FLG2: variants seen among roughly 807,000 people sequenced by gnomAD.
FLG2 encodes the protein filaggrin 2, also known as filaggrin-2.
A neutral mutation model predicts 3.9 loss-of-function variants in FLG2; 7 were observed. The observed-to-expected ratio is 1.79, with a 90% CI of 1.02 to 3.36. The LOEUF (loss-of-function observed/expected upper bound fraction) is 3.36, where lower values mean the gene tolerates loss of function less well. Ranked by LOEUF, FLG2 falls within the 30% of genes most tolerant of loss-of-function variation. FLG2 has a pLI of 0.00. For synonymous variants in FLG2, 1,031 were observed against 1,056.1 expected (o/e 0.98, Z 0.46); for missense variants, 2,700 against 2,809.4 (o/e 0.96, Z 0.88).
In FLG2 at chr1:152,353,216, G is replaced by A. The variant is rs148445702; in HGVS notation, c.4570C>T (p.Gln1524Ter). 6 of 1,607,110 alleles carry A rather than the reference G, an allele frequency of 3.7e-6. No homozygotes were observed. In the Admixed American group the frequency reaches 8.5e-5, roughly 23 times the overall value. Residue 1524 changes from glutamine (Q) to a stop codon, truncating the protein, a stop_gained, in exon 3 of 3, where the codon CAA (glutamine) becomes TAA (stop). Transcript: ENST00000388718. LOFTEE classifies it low-confidence loss of function (END_TRUNC). ...SHTHSGHTHGQSGSQHGESES... is the reference protein window; with the variant it reads ...SHTHSGHTHG ...GACTCTCCATGTTGAGATCCACTTT[G>A]GCCGTGAGTGTGTCCTGAATGTGTG...
chr1:152,355,224 T>C lies in FLG2; in HGVS notation c.2562A>G (p.Gln854=), dbSNP rs34161117. 94 of 1,596,688 alleles carry C rather than the reference T, an allele frequency of 5.9e-5. No homozygotes were observed. The highest frequency in any genetic ancestry group is 3.1e-4 in the African/African-American group (22 of 70,136). The change falls in exon 3 of 3, where the codon CAA becomes CAG. Residue 854 remains glutamine, a synonymous_variant. Transcript: ENST00000388718. ...ACCCATGTTGACCATAGCCAGATGA[T>C]TGACTTGAGCCAGAACCATGTTGGC... is the stretch of plus-strand genomic sequence containing the variant. ...SYGQHGSGSS[Q]SSGYGQHGSS...
Position 152,352,671 on chromosome 1 carries a change from A to G in FLG2, c.5115T>C (p.His1705=). 1 of 1,613,570 alleles carries G rather than the reference A, an allele frequency of 6.2e-7. No individual in the cohort carries two copies. The highest frequency in any genetic ancestry group is 8.5e-7 in the Non-Finnish European group (1 of 1,179,876). ...TGGTTAATCCATGATGATAGTGGGC[A>G]TGTCTAGTGGTATCTCCTGTCTGTC... The part of the protein sequence containing the change: ...THGQTGDTTR[H]AHYHHGLTTQ... The change falls in exon 3 of 3, where the codon CAT becomes CAC. Residue 1705 remains histidine (H), a synonymous_variant. Coordinates refer to ENST00000388718, the MANE Select transcript of FLG2 (RefSeq NM_001014342.3).
chr1:152,355,509 T>A lies in FLG2; in HGVS notation c.2277A>T (p.Gly759=), dbSNP rs774831540. 3.6e-5 allele frequency: 58 copies of A among 1,612,858 alleles called. No homozygotes were observed. Among genetic ancestry groups the A allele is most frequent in the Non-Finnish European group, 4.4e-5 (52 of 1,179,856 alleles). ...ACTGACCTGATCTAGACTCATGTTG[T>A]CCAAAGCCAGAGGATTGTCCTGAGC... ...GSGSGQSSGF[G]QHESRSGQSS... is the part of the protein sequence containing the mutation. The change falls in exon 3 of 3, where the codon GGA becomes GGT. Residue 759 remains glycine (G), a synonymous_variant. Coordinates refer to ENST00000388718, the MANE Select transcript of FLG2 (RefSeq NM_001014342.3).
chr1:152,357,513 T>G lies in FLG2; in HGVS notation c.273A>C (p.Lys91Asn). Residue 91 changes from lysine (K) to asparagine (N), a missense_variant, in exon 3 of 3, where the codon AAA becomes AAC. Coordinates refer to ENST00000388718, the MANE Select transcript of FLG2 (RefSeq NM_001014342.3). ...TTGACCCTGAAGCTTTGCAGTATTC[T>G]TTGCTGAGGACCTTGTTGCAGGCCA... ...LTMACNKVLS[K>N]EYCKASGSKK... The G allele has an allele frequency of 6.2e-7, 1 of 1,614,156 alleles. No homozygotes were observed. Among genetic ancestry groups the G allele is most frequent in the Non-Finnish European group, 8.5e-7 (1 of 1,180,026 alleles).
In FLG2 at chr1:152,356,213, A is replaced by C; in HGVS notation, c.1573T>G (p.Ser525Ala). ...SSGFGQHGSV[S>A]GQSSGFGQHE... ...TGTCCAAAACCAGAGGATTGTCCTG[A>C]GACAGACCCATGCTGTCCAAAACCA... is the stretch of plus-strand genomic sequence containing the variant. Residue 525 changes from serine to alanine, a missense_variant, in exon 3 of 3, where the codon TCA becomes GCA. By Grantham distance (99) the Ser-to-Ala change is moderately conservative. Coordinates refer to ENST00000388718, the MANE Select transcript of FLG2 (RefSeq NM_001014342.3). 6.2e-7 allele frequency: 1 copy of C among 1,613,676 alleles called. No homozygotes were observed.
chr1:152,357,795 G>A, intron 2 of FLG2, 148 bp from the exon 3 acceptor site: 1 of 623,432 alleles, frequency 1.6e-6, no homozygotes, highest in East Asian at 2.7e-5. Flanking sequence ...ATAGAACCCA[G>A]TAAATGTTAA....
Position 152,354,717 on chromosome 1 carries a change from A to G in FLG2, c.3069T>C (p.Thr1023=). 1.2e-6 allele frequency: 2 copies of G among 1,613,932 alleles called. No individual in the cohort carries two copies. The highest frequency in any genetic ancestry group is 8.5e-7 in the Non-Finnish European group (1 of 1,179,970). Residue 1023 remains threonine, a synonymous_variant, in exon 3 of 3, where the codon ACT becomes ACC. Transcript: ENST00000388718. ...GQHGSSSGQT[T]GFGQHRSSSG... ...AGCTTGACCTGTGTTGTCCAAAGCC[A>G]GTTGTCTGTCCTGAACTAGACCCAT...
At position 152,357,245 on chromosome 1, in the gene FLG2, A is replaced by G. The variant is rs777950351; in HGVS notation, c.541T>C (p.Tyr181His). The change falls in exon 3 of 3, where the codon TAC (tyrosine) becomes CAC (histidine). Residue 181 changes from tyrosine to histidine, a missense_variant. Physicochemically the swap from Tyr to His is moderately conservative, Grantham distance 83. Transcript: ENST00000388718. ...SGNQEGSQKR[Y>H]HRSSCGHSWS... Reference sequence around the variant, plus strand: ...GAATGACCACAGCTGGACCTGTGGTATCTTTTCTGAGATCCCTCTTGGTTC... The same window carrying G: ...GAATGACCACAGCTGGACCTGTGGTGTCTTTTCTGAGATCCCTCTTGGTTC... 15 of 1,614,062 alleles carry G rather than the reference A, an allele frequency of 9.3e-6. No homozygotes were observed. The African/African-American group carries it at 1.3e-4, about 14-fold the overall frequency.
chr1:152,352,057 T>C lies in FLG2; in HGVS notation c.5729A>G (p.Glu1910Gly). ...TCTCTTGTGAACTGTGGATTCTGACTCTCCATGTTGAGACCTGGCTTGGCT... is the reference window on the plus strand; with the variant it reads ...TCTCTTGTGAACTGTGGATTCTGACCCTCCATGTTGAGACCTGGCTTGGCT... ...THSQARSQHG[E>G]SESTVHKRHQ... The change falls in exon 3 of 3, where the codon GAG (glutamate) becomes GGG (glycine). Residue 1910 changes from glutamate to glycine, a missense_variant. Transcript: ENST00000388718. The C allele has an allele frequency of 1.2e-6, 2 of 1,613,710 alleles. No individual in the cohort carries two copies. The highest frequency in any genetic ancestry group is 1.7e-6 in the Non-Finnish European group (2 of 1,179,910).
In FLG2 at chr1:152,355,380, A is replaced by G; in HGVS notation, c.2406T>C (p.Ser802=). 1.2e-6 allele frequency: 2 copies of G among 1,613,112 alleles called. No individual in the cohort carries two copies. The highest frequency in any genetic ancestry group is 1.7e-6 in the Non-Finnish European group (2 of 1,179,842). Residue 802 remains serine, a synonymous_variant, in exon 3 of 3, where the codon AGT becomes AGC. Coordinates refer to ENST00000388718, the MANE Select transcript of FLG2 (RefSeq NM_001014342.3). ...CATATTGGCCAAAGCCAGTGGATTG[A>G]CTTGAGCCTGACCCATGTTGTCCAA... ...SGFGQHGSGS[S]QSTGFGQYGS...
At position 152,356,150 on chromosome 1, in the gene FLG2, G is replaced by A. The variant is rs764487178; in HGVS notation, c.1636C>T (p.His546Tyr). The A allele has an allele frequency of 1.2e-6, 2 of 1,613,906 alleles. No individual in the cohort carries two copies. Among genetic ancestry groups the A allele is most frequent in the East Asian group, 2.2e-5 (1 of 44,838 alleles). ...GATGATTGACTTGAGCCAGAACCAT[G>A]TTGGCCATAGCTAGACTGACGTGAT... ...SRSRQSSYGQ[H>Y]GSGSSQSSGY... is the part of the protein sequence containing the mutation. The change falls in exon 3 of 3, where the codon CAT becomes TAT. Residue 546 changes from histidine (H) to tyrosine (Y), a missense_variant. His to Tyr is a moderately conservative substitution (Grantham distance 83). Coordinates refer to ENST00000388718, the MANE Select transcript of FLG2 (RefSeq NM_001014342.3).
rs1654126839 is a variant in FLG2 at position 152,354,746 on chromosome 1, G to A, written c.3040C>T (p.Gln1014Ter). 1 of 1,613,964 alleles carries A rather than the reference G, an allele frequency of 6.2e-7. No homozygotes were observed. The highest frequency in any genetic ancestry group is 1.1e-5 in the South Asian group (1 of 91,058). ...GTCTGTCCTGAACTAGACCCATGTT[G>A]ACCATAGCCAGATGACTGACTTGAG... ...SGSSQSSGYG[Q>*]HGSSSGQTTG... Residue 1014 changes from glutamine (Q) to a stop codon, truncating the protein, a stop_gained, in exon 3 of 3, where the codon CAA (glutamine) becomes TAA (stop). Transcript: ENST00000388718. LOFTEE classifies it low-confidence loss of function (END_TRUNC).
chr1:152,352,148 G>A lies in FLG2; in HGVS notation c.5638C>T (p.His1880Tyr). The change falls in exon 3 of 3, where the codon CAC (histidine) becomes TAC (tyrosine). Residue 1880 changes from histidine (H) to tyrosine (Y), a missense_variant. By Grantham distance (83) the His-to-Tyr change is moderately conservative. Transcript: ENST00000388718. ...SSTTGRRRSG[H>Y]SESSDSEVHS... The stretch of plus-strand genomic sequence containing the variant: ...ACTTCACTGTCACTGGACTCACTGT[G>A]GCCAGATCTCCTTCTTCCAGTTGTA... 6.2e-7 allele frequency: 1 copy of A among 1,613,796 alleles called. No individual in the cohort carries two copies. Among genetic ancestry groups the A allele is most frequent in the Non-Finnish European group, 8.5e-7 (1 of 1,179,946 alleles).
chr1:152,356,624 T>C lies in FLG2; in HGVS notation c.1162A>G (p.Ser388Gly), dbSNP rs1181631754. The change falls in exon 3 of 3, where the codon AGC (serine) becomes GGC (glycine). Residue 388 changes from serine (S) to glycine (G), a missense_variant. Transcript: ENST00000388718. ...SCCGQYGSGG[S>G]QSCSNGQHEY... The stretch of plus-strand genomic sequence containing the variant: ...TGTTGACCATTACTACAAGACTGGC[T>C]ACCTCCAGACCCATATTGTCCACAG... 6.2e-7 allele frequency: 1 copy of C among 1,614,084 alleles called. No individual in the cohort carries two copies. The highest frequency in any genetic ancestry group is 8.5e-7 in the Non-Finnish European group (1 of 1,179,996).
chr1:152,352,581 T>C lies in FLG2; in HGVS notation c.5205A>G (p.Glu1735=). Residue 1735 remains glutamate, a synonymous_variant, in exon 3 of 3, where the codon GAA becomes GAG. Transcript: ENST00000388718. The part of the protein sequence containing the change: ...GSGHSEYSDS[E]GYSGVSHTHS... ...GTGTATGTGAGACTCCTGAGTACCCTTCACTGTCACTGTACTCACTGTGGC... is the reference window on the plus strand; with the variant it reads ...GTGTATGTGAGACTCCTGAGTACCCCTCACTGTCACTGTACTCACTGTGGC... 6.2e-7 allele frequency: 1 copy of C among 1,613,938 alleles called. No individual in the cohort carries two copies. Among genetic ancestry groups the C allele is most frequent in the Non-Finnish European group, 8.5e-7 (1 of 1,179,954 alleles).
chr1:152,354,535 C>G lies in FLG2; in HGVS notation c.3251G>C (p.Ser1084Thr). Reference protein sequence around the residue: ...SSYGQHGSGSSQSSGYGQHGS... With the variant: ...SSYGQHGSGSTQSSGYGQHGS... ...ATGTTGACCATAGCCAGATGATTGACTTGAGCCAGAACCATGTTGGCCATA... is the reference window on the plus strand; with the variant it reads ...ATGTTGACCATAGCCAGATGATTGAGTTGAGCCAGAACCATGTTGGCCATA... Residue 1084 changes from serine to threonine, a missense_variant, in exon 3 of 3, where the codon AGT (serine) becomes ACT (threonine). Transcript: ENST00000388718. 1 of 1,613,980 alleles carries G rather than the reference C, an allele frequency of 6.2e-7. No individual in the cohort carries two copies. The highest frequency in any genetic ancestry group is 8.5e-7 in the Non-Finnish European group (1 of 1,179,992).
At position 152,357,557 on chromosome 1, in the gene FLG2, T is replaced by A; in HGVS notation, c.229A>T (p.Met77Leu). The change falls in exon 3 of 3, where the codon ATG becomes TTG. Residue 77 changes from methionine (M) to leucine (L), a missense_variant. Transcript: ENST00000388718. ...CAGGCCATAGTCAGCTTGAATATCA[T>A]CAAAAGAAACTCAGTAAAGTCCAAT... is the stretch of plus-strand genomic sequence containing the variant. ...RRLDFTEFLLMIFKLTMACNK... is the reference protein window; with the variant it reads ...RRLDFTEFLLLIFKLTMACNK... The A allele has an allele frequency of 6.2e-7, 1 of 1,614,086 alleles. No individual in the cohort carries two copies. Among genetic ancestry groups the A allele is most frequent in the East Asian group, 2.2e-5 (1 of 44,876 alleles).
chr1:152,355,813 T>G lies in FLG2; in HGVS notation c.1973A>C (p.Tyr658Ser). 4 of 1,612,380 alleles carry G rather than the reference T, an allele frequency of 2.5e-6. No individual in the cohort carries two copies. The highest frequency in any genetic ancestry group is 3.4e-6 in the Non-Finnish European group (4 of 1,179,612). ...AGAGGACTGACCTGAGCCTGATCCA[T>G]ATTGGCCAAAGCCAGTGGATTGACT... Reference protein sequence around the residue: ...GSSQSTGFGQYGSGSGQSSGF... With the variant: ...GSSQSTGFGQSGSGSGQSSGF... Residue 658 changes from tyrosine to serine, a missense_variant, in exon 3 of 3, where the codon TAT (tyrosine) becomes TCT (serine). Coordinates refer to ENST00000388718, the MANE Select transcript of FLG2 (RefSeq NM_001014342.3).
chr1:152,351,166 C>T lies in FLG2; in HGVS notation c.6620G>A (p.Arg2207Gln), dbSNP rs146579981. Residue 2207 changes from arginine (R) to glutamine (Q), a missense_variant, in exon 3 of 3, where the codon CGA becomes CAA. Physicochemically the swap from Arg to Gln is conservative, Grantham distance 43. Coordinates refer to ENST00000388718, the MANE Select transcript of FLG2 (RefSeq NM_001014342.3). Reference protein sequence around the residue: ...SGHTHSQAGSRHGQSGSSGHG... With the variant: ...SGHTHSQAGSQHGQSGSSGHG... ...ACCTGAGGATCCTGACTGTCCATGT[C>T]GAGATCCGGCTTGGCTGTGAGTGTG... 9.9e-5 allele frequency: 159 copies of T among 1,607,548 alleles called. 1 individual carries two copies. The African/African-American group carries it at 1.5e-3, about 16-fold the overall frequency.
Sources: gnomAD v4.1 joint callset for allele counts on GRCh38, gnomAD v4.1.1 for gene constraint, MANE v1.5 for transcripts, NCBI Gene and HGNC (gene_info 2026-07-23, HGNC 2026-07-21) for gene names.